Variants in DNAJC15 observed in about 807,000 individuals in gnomAD.
DNAJC15 encodes the protein DnaJ heat shock protein family (Hsp40) member C15, also known as dnaJ homolog subfamily C member 15.
In DNAJC15, 27 loss-of-function variants were observed where a neutral mutation model predicts 22.4. The observed-to-expected ratio is 1.20, with a 90% CI of 0.89 to 1.66. DNAJC15 has a LOEUF of 1.66. DNAJC15 is among the 40% of genes most tolerant of loss of function. The pLI, the probability that DNAJC15 is intolerant of heterozygous loss-of-function variation, is 0.00. For missense variants in DNAJC15, 208 were observed against 187.1 expected, an observed-to-expected ratio of 1.11 and a Z score of -0.65; for synonymous variants, 79 against 63.2, an observed-to-expected ratio of 1.25 and a Z score of -1.19.
Position 43,108,727 on chromosome 13 carries a change from C to T in DNAJC15, c.*1479C>T, listed in dbSNP as rs1226377425. On this transcript the variant is annotated 3_prime_UTR_variant, in exon 6 of 6. Coordinates refer to ENST00000379221, the MANE Select transcript of DNAJC15 (RefSeq NM_013238.3). Reference sequence around the variant, plus strand: ...ACTAGTCGTTTCTCATCAGTTGTGACAACAAAAATGGTTCCAGATATTGCC... The same window carrying T: ...ACTAGTCGTTTCTCATCAGTTGTGATAACAAAAATGGTTCCAGATATTGCC... 1 of 152,098 alleles carries T rather than the reference C, an allele frequency of 6.6e-6. No individual in the cohort carries two copies. Among genetic ancestry groups the T allele is most frequent in the Non-Finnish European group, 1.5e-5 (1 of 68,014 alleles). The allele number at this position is 152,098 out of a possible 1,614,324, so 9.4% of individuals were successfully genotyped here. A position where few individuals can be genotyped will look rare whatever the true frequency, so the allele number is the denominator to read the frequency against.
intron 3 of DNAJC15, among the ~76,000 whole-genome samples, chr13:43,077,807 A>G (rs918774032): frequency 6.6e-6 from 1 of 152,200 alleles, no homozygotes; most frequent in South Asian, 2.1e-4. Flanking sequence ...CAATCCATCA[A>G]GGAAATGTTA....
intron 5 of DNAJC15, among the ~76,000 whole-genome samples, chr13:43,103,190 G>A (rs2040778394): frequency 6.6e-6 from 1 of 152,060 alleles, no homozygotes; most frequent in South Asian, 2.1e-4. Flanking sequence ...TCTAACATTG[G>A]GATCTTCTAT....
intron 5 of DNAJC15, among the ~76,000 whole-genome samples, chr13:43,092,256 A>G (rs2040718725): frequency 6.6e-6 from 1 of 152,172 alleles, no homozygotes; most frequent in African/African-American, 2.4e-5. Context: ...GCTTTTTGCC[A>G]TAAAGCCTAC....
In DNAJC15 at chr13:43,037,952, C is replaced by T. The variant is rs1593310462; in HGVS notation, c.108+14218C>T. 2.6e-5 allele frequency among the ~76,000 whole-genome samples: 4 copies of T among 152,182 alleles called. No homozygotes were observed. In the East Asian group the frequency reaches 5.8e-4, roughly 22 times the overall value. On this transcript the variant is annotated intron_variant, in intron 1 of 5. Transcript: ENST00000379221. ...TTCTTTTTTATAGCCTGCTTTTATT[C>T]TGTACTTAACATGTGGTTGCTAAAC...
At chr13:43,068,909 T>C (rs1197366825) in intron 2 of DNAJC15, 21 bp from the exon 3 acceptor site, 3 of 1,603,752 alleles carry the variant, frequency 1.9e-6, no homozygotes, top group Admixed American at 1.7e-5. Context: ...TACATTTGCT[T>C]TTATTCCCTT....
rs74698217 is a variant in DNAJC15 at position 43,074,964 on chromosome 13, G to A, written c.235-3648G>A. ...TCACCTATGCTGAGGCCAACTTTTTGTATCTGTGGTTTCTGTAGGGCTGAC... is the reference window on the plus strand; with the variant it reads ...TCACCTATGCTGAGGCCAACTTTTTATATCTGTGGTTTCTGTAGGGCTGAC... On this transcript the variant is annotated intron_variant, in intron 3 of 5. Coordinates refer to ENST00000379221, the MANE Select transcript of DNAJC15 (RefSeq NM_013238.3). Among the ~76,000 whole-genome samples the A allele has an allele frequency of 7.9e-3, 1,208 of 152,236 alleles. 15 individuals are homozygous for A. The highest frequency in any genetic ancestry group is 0.027 in the African/African-American group (1,131 of 41,518).
Position 43,052,424 on chromosome 13 carries a change from CTT to C in DNAJC15, c.109-13253_109-13252del, listed in dbSNP as rs1171752163. Among the ~76,000 whole-genome samples the C allele has an allele frequency of 7.4e-5, 11 of 147,940 alleles. 1 individual carries two copies. The South Asian group carries it at 2.2e-3, about 29-fold the overall frequency. On this transcript the variant is annotated intron_variant, in intron 1 of 5. Transcript: ENST00000379221. The stretch of plus-strand genomic sequence containing the variant: ...AATTGTCTGTTCATGTCTTAGCCCA[CTT>C]TTTTTTTTGAGACAGAGTCTCACTC...
intron 1 of DNAJC15, among the ~76,000 whole-genome samples, chr13:43,036,578 G>GGCT (rs2040429977): frequency 6.6e-6 from 1 of 152,200 alleles, no homozygotes; most frequent in African/African-American, 2.4e-5. Context: ...CTGGCCCCTA[G>GGCT]GCTTCAGGCC....
At chr13:43,075,000 G>A (rs1052331569) in intron 3 of DNAJC15, among the ~76,000 whole-genome samples, 1 of 152,202 alleles carries the variant, frequency 6.6e-6, no homozygotes, top group South Asian at 2.1e-4. Flanking sequence ...CGTGGTGCCT[G>A]AGTGCAGATT....
chr13:43,059,012 G>A (rs1433651204), intron 1 of DNAJC15, among the ~76,000 whole-genome samples: 1 of 152,054 alleles, frequency 6.6e-6, no homozygotes, highest in African/African-American at 2.4e-5. Context: ...GCTTTCAAAG[G>A]GTCTGTGAAT....
chr13:43,075,957 G>T (rs2040632209), intron 3 of DNAJC15, among the ~76,000 whole-genome samples: 1 of 152,114 alleles, frequency 6.6e-6, no homozygotes, highest in Non-Finnish European at 1.5e-5. Flanking sequence ...CACCACAGTC[G>T]GCCCCCTTAC....
At chr13:43,071,467 A>G (rs1275256949) in intron 3 of DNAJC15, among the ~76,000 whole-genome samples, 1 of 152,188 alleles carries the variant, frequency 6.6e-6, no homozygotes, top group Non-Finnish European at 1.5e-5. Context: ...TATCTTTATC[A>G]TTGTCATAAT....
intron 1 of DNAJC15, among the ~76,000 whole-genome samples, chr13:43,039,596 A>G (rs766444649): frequency 1.3e-4 from 20 of 152,246 alleles, no homozygotes; most frequent in Non-Finnish European, 2.6e-4. Context: ...TTAGAAATTC[A>G]TTGGCCAAAA....
intron 4 of DNAJC15, among the ~76,000 whole-genome samples, chr13:43,082,535 A>C (rs560836951): frequency 6.6e-6 from 1 of 152,302 alleles, no homozygotes; most frequent in East Asian, 1.9e-4. Context: ...CACCATTAGG[A>C]GTCTGATCAT....
At chr13:43,094,705 A>G (rs1042945626) in intron 5 of DNAJC15, among the ~76,000 whole-genome samples, 8 of 152,086 alleles carry the variant, frequency 5.3e-5, no homozygotes, top group African/African-American at 9.7e-5. Context: ...ATCAGGCTCT[A>G]TTTTCAAACT....
In DNAJC15 at chr13:43,112,004, T is replaced by C. The variant is rs1338945512; in HGVS notation, c.*4756T>C. 6.6e-6 allele frequency: 1 copy of C among 152,212 alleles called. No homozygotes were observed. The highest frequency in any genetic ancestry group is 1.5e-5 in the Non-Finnish European group (1 of 68,042). The allele number at this position is 152,212 out of a possible 1,614,324, so 9.4% of individuals were successfully genotyped here. ...AGTTGAGAAGGTTCTCTGGACTCAT[T>C]TTTATAGGTGGAACCTAAGTGATCT... is the stretch of plus-strand genomic sequence containing the variant. On this transcript the variant is annotated 3_prime_UTR_variant, in exon 6 of 6. Coordinates refer to ENST00000379221, the MANE Select transcript of DNAJC15 (RefSeq NM_013238.3).
intron 1 of DNAJC15, among the ~76,000 whole-genome samples, chr13:43,029,475 G>A (rs1410976504): frequency 6.6e-6 from 1 of 151,494 alleles, no homozygotes; most frequent in Non-Finnish European, 1.5e-5. Flanking sequence ...GTTATTTACT[G>A]CCTATGTTGT....
chr13:43,086,675 T>C (rs951967506), intron 5 of DNAJC15, among the ~76,000 whole-genome samples: 2 of 152,366 alleles, frequency 1.3e-5, no homozygotes, highest in African/African-American at 2.4e-5. Context: ...TTTGCACTTA[T>C]TATTCTTTAG....
rs2040836318 is a variant in DNAJC15, at chr13:43,114,004, ACT to A, written c.*6757_*6758del. Reference sequence around the variant, plus strand: ...TATCTCATTTTGTACTCGCTTACATACTACATTCTTGTTTGGGCTTTCGTTTC... The same window carrying A: ...TATCTCATTTTGTACTCGCTTACATAACATTCTTGTTTGGGCTTTCGTTTC... On this transcript the variant is annotated 3_prime_UTR_variant, in exon 6 of 6. Coordinates refer to ENST00000379221, the MANE Select transcript of DNAJC15 (RefSeq NM_013238.3). The A allele has an allele frequency of 6.6e-6, 1 of 152,194 alleles. No individual in the cohort carries two copies. Among genetic ancestry groups the A allele is most frequent in the South Asian group, 2.1e-4 (1 of 4,826 alleles). 9.4% of individuals were successfully genotyped at this position (152,194 alleles called of 1,614,324 possible).
Sources: gnomAD v4.1 joint callset for allele counts (sites outside exome capture counted in the v4.1 genomes callset) on GRCh38, gnomAD v4.1.1 for gene constraint, MANE v1.5 for transcripts, NCBI Gene and HGNC (gene_info 2026-07-23, HGNC 2026-07-21) for gene names.